REST: variants seen among roughly 807,000 people sequenced by gnomAD.
The protein encoded by REST is RE1-silencing transcription factor.
Under a neutral mutation model 30.4 loss-of-function variants are expected in REST, and 1 was observed. That is an observed-to-expected ratio of 0.03 (90% confidence interval 0.01 to 0.16). The LOEUF (loss-of-function observed/expected upper bound fraction) is 0.16, where lower values mean the gene tolerates loss of function less well. Ranked by LOEUF, REST falls within the 10% of genes least tolerant of loss-of-function variation. The pLI is 1.00. For missense variants in REST, 1,259 were observed against 1,329.5 expected (o/e 0.95, Z 0.82); for synonymous variants, 504 against 451.1 (o/e 1.12, Z -1.49).
In REST at chr4:56,908,176, AC is replaced by A; in HGVS notation, c.-46del. On this transcript the variant is annotated 5_prime_UTR_variant, in exon 1 of 4. Coordinates refer to ENST00000309042, the MANE Select transcript of REST (RefSeq NM_005612.5). Reference sequence around the variant, plus strand: ...AAAAGTAGTCGGAGAAGGAGCGGCGACTCAGGGTCGCCCGCCCCTCCTCACC... The same window carrying A: ...AAAAGTAGTCGGAGAAGGAGCGGCGATCAGGGTCGCCCGCCCCTCCTCACC... 4.8e-6 allele frequency: 1 copy of A among 208,076 alleles called. No homozygotes were observed. The highest frequency in any genetic ancestry group is 9.5e-6 in the Non-Finnish European group (1 of 104,914). 12.9% of individuals were successfully genotyped at this position (208,076 alleles called of 1,614,324 possible).
At chr4:56,916,887 G>A (rs774932511) in intron 2 of REST, among the ~76,000 whole-genome samples, 4 of 152,162 alleles carry the variant, frequency 2.6e-5, no homozygotes, top group South Asian at 2.1e-4. Context: ...ATACCTAAGC[G>A]TGAGATTGTG....
chr4:56,912,807 G>A (rs1281957915), intron 2 of REST, among the ~76,000 whole-genome samples: 1 of 151,532 alleles, frequency 6.6e-6, no homozygotes, highest in East Asian at 1.9e-4. Flanking sequence ...TGCCACCCCT[G>A]GCTAATTTTT....
At position 56,935,532 on chromosome 4, in the gene REST, T is replaced by TA. The variant is rs1297049877; in HGVS notation, c.*3381dup. The TA allele has an allele frequency of 1.3e-5, 2 of 152,258 alleles. No individual in the cohort carries two copies. The highest frequency in any genetic ancestry group is 2.9e-5 in the Non-Finnish European group (2 of 68,050). The allele number at this position is 152,258 out of a possible 1,614,324, so 9.4% of individuals were successfully genotyped here. On this transcript the variant is annotated 3_prime_UTR_variant, in exon 4 of 4. Coordinates refer to ENST00000309042, the MANE Select transcript of REST (RefSeq NM_005612.5). ...ACTTTCTAAACTGGCATTGAAACAT[T>TA]ACAACAATGTTTTGTTGCACCAATT...
intron 2 of REST, among the ~76,000 whole-genome samples, chr4:56,917,312 A>C (rs1249280907): frequency 6.6e-6 from 1 of 152,062 alleles, no homozygotes; most frequent in Non-Finnish European, 1.5e-5. Flanking sequence ...ATCTATCACC[A>C]TTCTTTTTGT....
At position 56,930,224 on chromosome 4, in the gene REST, G is replaced by A. The variant is rs1330817652; in HGVS notation, c.1366G>A (p.Asp456Asn). 1 of 1,607,302 alleles carries A rather than the reference G, an allele frequency of 6.2e-7. No homozygotes were observed. Among genetic ancestry groups the A allele is most frequent in the Non-Finnish European group, 8.5e-7 (1 of 1,178,666 alleles). The change falls in exon 4 of 4, where the codon GAT becomes AAT. Residue 456 changes from aspartate (D) to asparagine (N), a missense_variant. Around this residue, in one of 5 missense-constraint regions of REST, gnomAD observed 856 missense variants for 772.8 expected, o/e 1.11. Coordinates refer to ENST00000309042, the MANE Select transcript of REST (RefSeq NM_005612.5). ...AATAGAACAAACAAAAATAAAAGGGGATGTGGCTGGAAAGAAAAATGAAAA... is the reference window on the plus strand; with the variant it reads ...AATAGAACAAACAAAAATAAAAGGGAATGTGGCTGGAAAGAAAAATGAAAA... ...TEIEQTKIKG[D>N]VAGKKNEKSV... is the part of the protein sequence containing the mutation.
intron 2 of REST, among the ~76,000 whole-genome samples, chr4:56,917,306 A>G (rs1209952170): frequency 6.6e-6 from 1 of 152,124 alleles, no homozygotes; most frequent in Non-Finnish European, 1.5e-5. Context: ...TTTCCCATCT[A>G]TCACCATTCT....
intron 3 of REST, among the ~76,000 whole-genome samples, chr4:56,926,043 A>ACTAT (rs1251708331): frequency 6.6e-6 from 1 of 152,198 alleles, no homozygotes; most frequent in Non-Finnish European, 1.5e-5. Context: ...AAGACAGGAT[A>ACTAT]CGTAAGAGTC....
At chr4:56,913,514 A>G (rs1437768814) in intron 2 of REST, among the ~76,000 whole-genome samples, 2 of 152,174 alleles carry the variant, frequency 1.3e-5, no homozygotes, top group East Asian at 3.9e-4. Context: ...ACAAATGAAT[A>G]GGGGGTGTGG....
At chr4:56,927,482 A>G (rs1051994749) in intron 3 of REST, 14 of 184,844 alleles carry the variant, frequency 7.6e-5, no homozygotes, top group Non-Finnish European at 1.4e-4. Context: ...TAACATCTAC[A>G]TGGTTTTACC....
rs2109579932 is a variant in REST at position 56,932,093 on chromosome 4, C to T, written c.3235C>T (p.Leu1079Phe). 1 of 1,614,216 alleles carries T rather than the reference C, an allele frequency of 6.2e-7. No homozygotes were observed. The highest frequency in any genetic ancestry group is 8.5e-7 in the Non-Finnish European group (1 of 1,180,040). ...AAAGGGAAAAGATTACAGCAAACAC[C>T]TCAATCGCCATTTGGTTAATGTGTA... ...FRKGKDYSKH[L>F]NRHLVNVYYL... Residue 1079 changes from leucine (L) to phenylalanine (F), a missense_variant, in exon 4 of 4, where the codon CTC becomes TTC. Transcript: ENST00000309042.
chr4:56,916,653 A>G (rs956044952), intron 2 of REST, among the ~76,000 whole-genome samples: 1 of 152,194 alleles, frequency 6.6e-6, no homozygotes, highest in African/African-American at 2.4e-5. Context: ...AAATAATAAT[A>G]AAATAAAAGA....
intron 3 of REST, among the ~76,000 whole-genome samples, chr4:56,926,862 C>A (rs1389827119): frequency 1.3e-5 from 2 of 151,596 alleles, no homozygotes; most frequent in South Asian, 4.2e-4. Context: ...TTTGGGAGGC[C>A]GAGGAGGGTG....
At position 56,911,535 on chromosome 4, in the gene REST, A is replaced by T; in HGVS notation, c.897A>T (p.Thr299=). The stretch of plus-strand genomic sequence containing the variant: ...ATGTTCAGCATGTTAGAACTCATAC[A>T]GGTAAGAGAAGCTTTCTAGTCCATA... ...NNYVQHVRTH[T]GERPYKCELC... is the part of the protein sequence containing the mutation. The change falls in exon 2 of 4, where the codon ACA becomes ACT. Residue 299 remains threonine (T), a splice_region_variant and synonymous_variant. Coordinates refer to ENST00000309042, the MANE Select transcript of REST (RefSeq NM_005612.5). 5 of 1,606,638 alleles carry T rather than the reference A, an allele frequency of 3.1e-6. No individual in the cohort carries two copies. The highest frequency in any genetic ancestry group is 3.4e-6 in the Non-Finnish European group (4 of 1,174,742).
intron 2 of REST, among the ~76,000 whole-genome samples, chr4:56,916,886 C>T (rs936124761): frequency 2.6e-5 from 4 of 152,172 alleles, no homozygotes; most frequent in Admixed American, 6.5e-5. Flanking sequence ...TATACCTAAG[C>T]GTGAGATTGT....
rs756990828 is a variant in REST at position 56,911,304 on chromosome 4, C to T, written c.666C>T (p.Gly222=). ...GCCCCATTCGCTGTGACCGCTGCGG[C>T]TACAATACTAATCGATATGATCACT... ...SKGPIRCDRC[G]YNTNRYDHYT... The change falls in exon 2 of 4, where the codon GGC becomes GGT. Residue 222 remains glycine (G), a synonymous_variant. Transcript: ENST00000309042. 11 of 1,614,004 alleles carry T rather than the reference C, an allele frequency of 6.8e-6. No homozygotes were observed. Among genetic ancestry groups the T allele is most frequent in the Non-Finnish European group, 8.5e-6 (10 of 1,180,046 alleles).
At position 56,932,967 on chromosome 4, in the gene REST, C is replaced by T. The variant is rs1384768177; in HGVS notation, c.*815C>T. On this transcript the variant is annotated 3_prime_UTR_variant, in exon 4 of 4. Transcript: ENST00000309042. ...AGGGCAGTTTTCTTTTTCTTTGCTG[C>T]AGTTGTCTATTTTGCAGAATAATAG... is the stretch of plus-strand genomic sequence containing the variant. 1 of 152,050 alleles carries T rather than the reference C, an allele frequency of 6.6e-6. No individual in the cohort carries two copies. The highest frequency in any genetic ancestry group is 1.5e-5 in the Non-Finnish European group (1 of 68,008). The allele number at this position is 152,050 out of a possible 1,614,324, so 9.4% of individuals were successfully genotyped here.
chr4:56,932,588 ATT>A lies in REST; in HGVS notation c.*446_*447del, dbSNP rs11336958. On this transcript the variant is annotated 3_prime_UTR_variant, in exon 4 of 4. Transcript: ENST00000309042. ...CTTTATATAAAGTTAGCACTTTAAGATTTTTTTTTTTAGAGATGAGAAGACAT... is the reference window on the plus strand; with the variant it reads ...CTTTATATAAAGTTAGCACTTTAAGATTTTTTTTTAGAGATGAGAAGACAT... 15 of 150,530 alleles carry A rather than the reference ATT, an allele frequency of 1.0e-4. No homozygotes were observed. Among genetic ancestry groups the A allele is most frequent in the South Asian group, 2.1e-4 (1 of 4,804 alleles). 9.3% of individuals were successfully genotyped at this position (150,530 alleles called of 1,614,324 possible). A position where few individuals can be genotyped will look rare whatever the true frequency, so the allele number is the denominator to read the frequency against.
In REST at chr4:56,930,117, T is replaced by C; in HGVS notation, c.1259T>C (p.Met420Thr). 2 of 1,613,710 alleles carry C rather than the reference T, an allele frequency of 1.2e-6. No individual in the cohort carries two copies. The highest frequency in any genetic ancestry group is 1.7e-6 in the Non-Finnish European group (2 of 1,179,956). Residue 420 changes from methionine to threonine, a missense_variant, in exon 4 of 4, where the codon ATG becomes ACG. Around this residue, in one of 5 missense-constraint regions of REST, gnomAD observed 856 missense variants for 772.8 expected, o/e 1.11. Coordinates refer to ENST00000309042, the MANE Select transcript of REST (RefSeq NM_005612.5). ...CATCCTACTTGTCCTAATAAAACAA[T>C]GGATGTCTCAAAAGTGAAACTAAAG... ...SKHPTCPNKTMDVSKVKLKKT... is the reference protein window; with the variant it reads ...SKHPTCPNKTTDVSKVKLKKT...
intron 1 of REST, among the ~76,000 whole-genome samples, chr4:56,909,977 C>T (rs777021213): frequency 2.0e-5 from 3 of 152,084 alleles, no homozygotes; most frequent in Non-Finnish European, 4.4e-5. Context: ...ATCAAACTTC[C>T]TTTTTCACAA....
Sources: allele counts gnomAD v4.1 joint callset (sites outside exome capture counted in the v4.1 genomes callset), GRCh38; gene constraint gnomAD v4.1.1; regional missense constraint gnomAD v4.1.1; transcripts MANE v1.5; gene names NCBI Gene and HGNC (gene_info 2026-07-23, HGNC 2026-07-21).